CCDC7: variants seen among roughly 807,000 people sequenced by gnomAD.
CCDC7 encodes the protein coiled-coil domain-containing protein 7.
CCDC7 carries 183 observed loss-of-function variants against 196.9 expected under a neutral mutation model. The observed-to-expected ratio is 0.93, with a 90% CI of 0.82 to 1.05. The LOEUF (loss-of-function observed/expected upper bound fraction) is 1.05, where lower values mean the gene tolerates loss of function less well. Among genes scored for constraint, CCDC7 ranks in the 50% least tolerant of loss-of-function variants. CCDC7 has a pLI of 0.00. For synonymous variants in CCDC7, 525 were observed against 484.6 expected, an observed-to-expected ratio of 1.08 and a Z score of -1.10; for missense variants, 1,540 against 1,482.2, an observed-to-expected ratio of 1.04 and a Z score of -0.64.
intron 41 of CCDC7, among the ~76,000 whole-genome samples, chr10:32,859,513 A>AG (rs2093890158): frequency 6.6e-6 from 1 of 152,322 alleles, no homozygotes; most frequent in African/African-American, 2.4e-5. Context: ...AAAGAACTAG[A>AG]GAAGCAAGAG....
At chr10:32,833,730 CT>C (rs1308289006) in intron 32 of CCDC7, among the ~76,000 whole-genome samples, 2 of 152,050 alleles carry the variant, frequency 1.3e-5, no homozygotes, top group Non-Finnish European at 2.9e-5. Flanking sequence ...TCTGATGCAT[CT>C]TTTCATTTTG....
intron 13 of CCDC7, among the ~76,000 whole-genome samples, chr10:32,560,864 GAC>G (rs2055434234): frequency 6.6e-6 from 1 of 152,048 alleles, no homozygotes; most frequent in Non-Finnish European, 1.5e-5. Context: ...CCAATTAAAA[GAC>G]ACAGACTGGC....
At chr10:32,760,866 G>T (rs572126655) in intron 28 of CCDC7, among the ~76,000 whole-genome samples, 1 of 151,978 alleles carries the variant, frequency 6.6e-6, no homozygotes, top group East Asian at 1.9e-4. Flanking sequence ...AAATTGAAAT[G>T]GAAAGTAAAT....
intron 18 of CCDC7, among the ~76,000 whole-genome samples, chr10:32,597,961 C>G (rs778404364): frequency 5.3e-5 from 8 of 152,206 alleles, no homozygotes; most frequent in African/African-American, 1.9e-4. Flanking sequence ...CAGGGACCCA[C>G]TTGAGGAGGC....
At chr10:32,577,771 ATGTGCT>A (rs1465874589) in intron 16 of CCDC7, among the ~76,000 whole-genome samples, 1 of 152,132 alleles carries the variant, frequency 6.6e-6, no homozygotes, top group African/African-American at 2.4e-5. Flanking sequence ...AATTGATTGG[ATGTGCT>A]ATATCCCCCT....
chr10:32,516,097 A>G (rs2046990136), intron 9 of CCDC7, among the ~76,000 whole-genome samples: 1 of 152,208 alleles, frequency 6.6e-6, no homozygotes, highest in Admixed American at 6.5e-5. Context: ...AGAATATGAA[A>G]AATATTCACA....
At chr10:32,473,558 G>A (rs889824113) in intron 7 of CCDC7, among the ~76,000 whole-genome samples, 2 of 152,114 alleles carry the variant, frequency 1.3e-5, no homozygotes, top group African/African-American at 4.8e-5. Context: ...CTAGGAGTAG[G>A]AAAGGGAAGT....
intron 28 of CCDC7, among the ~76,000 whole-genome samples, chr10:32,753,043 G>C (rs1241993016): frequency 6.6e-6 from 1 of 152,134 alleles, no homozygotes; most frequent in Admixed American, 6.6e-5. Flanking sequence ...AAATGAAGAA[G>C]GGAATATGTC....
chr10:32,867,415 T>C (rs1222828014), intron 41 of CCDC7, among the ~76,000 whole-genome samples: 1 of 151,446 alleles, frequency 6.6e-6, no homozygotes, highest in Non-Finnish European at 1.5e-5. Context: ...TTATAACACA[T>C]ACATCTACAT....
chr10:32,723,751 G>A (rs1201561923), intron 25 of CCDC7, among the ~76,000 whole-genome samples: 1 of 152,060 alleles, frequency 6.6e-6, no homozygotes, highest in Non-Finnish European at 1.5e-5. Flanking sequence ...TCATCGTGGA[G>A]GTGAAAAACC....
At position 32,778,240 on chromosome 10, in the gene CCDC7, T is replaced by G. The variant is rs143302852; in HGVS notation, c.2906-737T>G. Among the ~76,000 whole-genome samples, 132 of 152,348 alleles carry G rather than the reference T, an allele frequency of 8.7e-4. 1 individual carries two copies. The highest frequency in any genetic ancestry group is 2.9e-3 in the African/African-American group (120 of 41,598). ...TTTATTGCAATTGCTTTTGAAGAGA[T>G]AGCCATACATTCTTTGCCAAGGCTG... On this transcript the variant is annotated intron_variant, in intron 28 of 41. Coordinates refer to ENST00000639629, the Ensembl canonical transcript of CCDC7.
chr10:32,703,869 G>A (rs1373015984), intron 24 of CCDC7, among the ~76,000 whole-genome samples: 1 of 151,940 alleles, frequency 6.6e-6, no homozygotes, highest in Non-Finnish European at 1.5e-5. Flanking sequence ...GCTCCATCAT[G>A]TCCTTTAAGG....
intron 25 of CCDC7, among the ~76,000 whole-genome samples, chr10:32,721,089 T>C (rs1199928425): frequency 6.6e-6 from 1 of 151,488 alleles, no homozygotes; most frequent in African/African-American, 2.4e-5. Flanking sequence ...TGAAACCCTG[T>C]CTCCAAAAGA....
At chr10:32,879,696 A>T (rs1408366973), downstream of CCDC7, among the ~76,000 whole-genome samples, 4 of 150,216 alleles carry the variant, frequency 2.7e-5, no homozygotes, top group Admixed American at 2.0e-4. Context: ...ATTTTTCCTG[A>T]TGCTCTCCCT....
At chr10:32,663,856 A>G (rs1292709433) in intron 20 of CCDC7, among the ~76,000 whole-genome samples, 198 bp from the exon 22 acceptor site, 1 of 151,994 alleles carries the variant, frequency 6.6e-6, no homozygotes, top group African/African-American at 2.4e-5. Flanking sequence ...AAATATCAAA[A>G]TAATGAGACT....
At chr10:32,851,682 T>G in intron 39 of CCDC7, 125 bp from the exon 41 acceptor site, 1 of 942,304 alleles carries the variant, frequency 1.1e-6, no homozygotes, top group Non-Finnish European at 1.5e-6. Context: ...CCTTTCAGTT[T>G]TTTTAAATGT....
chr10:32,799,698 G>T (rs905733794), intron 29 of CCDC7, among the ~76,000 whole-genome samples: 9 of 152,190 alleles, frequency 5.9e-5, no homozygotes, highest in Admixed American at 1.3e-4. Flanking sequence ...CTGAATTTTA[G>T]TTGGATTTAT....
chr10:32,742,978 G>C (rs2086134193), intron 28 of CCDC7, among the ~76,000 whole-genome samples: 1 of 152,176 alleles, frequency 6.6e-6, no homozygotes, highest in African/African-American at 2.4e-5. Flanking sequence ...CATTTCTTCA[G>C]TGGCCTAGTG....
intron 29 of CCDC7, among the ~76,000 whole-genome samples, chr10:32,804,219 C>T (rs2085359832): frequency 6.6e-6 from 1 of 152,110 alleles, no homozygotes; most frequent in Non-Finnish European, 1.5e-5. Context: ...CTAATCACCC[C>T]TTTCTAACAT....
Sources: allele counts gnomAD v4.1 joint callset (sites outside exome capture counted in the v4.1 genomes callset), GRCh38; gene constraint gnomAD v4.1.1; transcripts MANE v1.5; gene names NCBI Gene and HGNC (gene_info 2026-07-23, HGNC 2026-07-21).